DLG2: variants seen among roughly 807,000 people sequenced by gnomAD.
DLG2 encodes the protein discs large MAGUK scaffold protein 2.
Under a neutral mutation model 132.5 loss-of-function variants are expected in DLG2, and 45 were observed. That is an observed-to-expected ratio of 0.34 (90% CI 0.27 to 0.44). The LOEUF (loss-of-function observed/expected upper bound fraction) is 0.44, where lower values mean the gene tolerates loss of function less well. DLG2 is among the 20% of genes least tolerant of loss of function. The pLI is 1.00. For synonymous variants in DLG2, 424 were observed against 419.6 expected, an observed-to-expected ratio of 1.01 and a Z score of -0.13; for missense variants, 1,045 against 1,196.9, an observed-to-expected ratio of 0.87 and a Z score of 1.87.
At position 84,243,911 on chromosome 11, in the gene DLG2, C is replaced by A. The variant is rs112798369; in HGVS notation, c.573+7327G>T. On this transcript the variant is annotated intron_variant, in intron 8 of 27. Transcript: ENST00000376104. ...ATACTAGGATGAGTATTCATAACAA[C>A]CCCTGCAAGGCAGGTAGTATTATTC... is the stretch of plus-strand genomic sequence containing the variant. Among the ~76,000 whole-genome samples, 822 of 152,322 alleles carry A rather than the reference C, an allele frequency of 5.4e-3. 12 individuals carry two copies. The highest frequency in any genetic ancestry group is 0.018 in the African/African-American group (745 of 41,554).
At chr11:85,474,308 A>C (rs958676841) in intron 3 of DLG2, among the ~76,000 whole-genome samples, 4 of 152,038 alleles carry the variant, frequency 2.6e-5, no homozygotes, top group Non-Finnish European at 5.9e-5. Context: ...ATAAGCAAAA[A>C]ATTACAGACA....
At chr11:84,419,360 C>T (rs545584849) in intron 7 of DLG2, among the ~76,000 whole-genome samples, 39 of 152,150 alleles carry the variant, frequency 2.6e-4, no homozygotes, top group Admixed American at 5.9e-4. Flanking sequence ...AGAAATTACA[C>T]AAACTAATAT....
At chr11:83,668,023 G>A (rs1157282408) in intron 18 of DLG2, among the ~76,000 whole-genome samples, 1 of 137,680 alleles carries the variant, frequency 7.3e-6, no homozygotes, top group African/African-American at 2.7e-5. Flanking sequence ...GGGAAATGAC[G>A]GCCCCTGGCT....
chr11:85,308,854 A>T (rs1032815841), intron 3 of DLG2, among the ~76,000 whole-genome samples: 1 of 152,204 alleles, frequency 6.6e-6, no homozygotes, highest in South Asian at 2.1e-4. Context: ...TACATGACTT[A>T]TTTCATCATT....
chr11:84,112,686 T>G (rs1426737023), intron 9 of DLG2, among the ~76,000 whole-genome samples: 1 of 152,196 alleles, frequency 6.6e-6, no homozygotes, highest in Non-Finnish European at 1.5e-5. Flanking sequence ...AACATGCGAT[T>G]AACCAACTGT....
At chr11:85,417,435 G>C (rs2089960172) in intron 3 of DLG2, among the ~76,000 whole-genome samples, 1 of 152,260 alleles carries the variant, frequency 6.6e-6, no homozygotes, top group South Asian at 2.1e-4. Context: ...CCAGGCTTTG[G>C]TATCAGGATG....
chr11:84,703,881 T>TATATATATATAC (rs1039735623), intron 6 of DLG2, among the ~76,000 whole-genome samples: 16 of 122,716 alleles, frequency 1.3e-4, no homozygotes, highest in East Asian at 1.0e-3. Flanking sequence ...TATATATATA[T>TATATATATATAC]ATACACGTGT....
chr11:83,660,745 A>G (rs142772749), intron 18 of DLG2, among the ~76,000 whole-genome samples: 282 of 152,308 alleles, frequency 1.9e-3, no homozygotes, highest in African/African-American at 6.4e-3. Context: ...CTTGAGGTAC[A>G]TAAGGGGGTG....
At chr11:85,119,795 A>G (rs2074090570) in intron 5 of DLG2, among the ~76,000 whole-genome samples, 1 of 152,110 alleles carries the variant, frequency 6.6e-6, no homozygotes. Flanking sequence ...ACAAGATGAA[A>G]GTAATTCACT....
At chr11:84,042,349 G>A (rs1490148150) in intron 11 of DLG2, among the ~76,000 whole-genome samples, 1 of 151,550 alleles carries the variant, frequency 6.6e-6, no homozygotes, top group Non-Finnish European at 1.5e-5. Flanking sequence ...TAAATGGTAA[G>A]CCTGGATCTC....
chr11:84,286,852 G>C (rs2097914756), intron 7 of DLG2, among the ~76,000 whole-genome samples: 1 of 152,060 alleles, frequency 6.6e-6, no homozygotes, highest in African/African-American at 2.4e-5. Flanking sequence ...CAAAGGCTGG[G>C]GTTGACGCCT....
intron 2 of DLG2, among the ~76,000 whole-genome samples, chr11:85,610,957 C>T (rs1477795819): frequency 6.6e-6 from 1 of 152,210 alleles, no homozygotes; most frequent in African/African-American, 2.4e-5. Flanking sequence ...CCCCAGAGGG[C>T]AAATACTCAT....
chr11:85,233,780 G>A (rs2075431393), intron 4 of DLG2, among the ~76,000 whole-genome samples: 2 of 150,588 alleles, frequency 1.3e-5, no homozygotes, highest in Admixed American at 1.3e-4. Flanking sequence ...TTCTGGTGGT[G>A]GTGGCTGTTG....
intron 15 of DLG2, among the ~76,000 whole-genome samples, chr11:83,908,480 A>C (rs762657138): frequency 7.2e-5 from 11 of 152,162 alleles, no homozygotes; most frequent in Non-Finnish European, 1.3e-4. Flanking sequence ...GCATGCACAC[A>C]CACGAGCATA....
chr11:83,869,348 G>A (rs892726718), intron 16 of DLG2, among the ~76,000 whole-genome samples: 1 of 152,128 alleles, frequency 6.6e-6, no homozygotes, highest in African/African-American at 2.4e-5. Flanking sequence ...GTAAAGGAGA[G>A]AACAAGAGAG....
intron 7 of DLG2, among the ~76,000 whole-genome samples, chr11:84,532,284 T>G (rs1486041485): frequency 6.6e-6 from 1 of 152,096 alleles, no homozygotes; most frequent in African/African-American, 2.4e-5. Context: ...AGACAAAAGA[T>G]GCACTTATTT....
chr11:83,549,288 T>C (rs1051587498), intron 19 of DLG2, among the ~76,000 whole-genome samples: 3 of 152,134 alleles, frequency 2.0e-5, no homozygotes, highest in Non-Finnish European at 4.4e-5. Context: ...GCAAGAAGCA[T>C]AGATGTTGGA....
At chr11:84,761,099 C>G (rs2067568039) in intron 6 of DLG2, among the ~76,000 whole-genome samples, 1 of 152,196 alleles carries the variant, frequency 6.6e-6, no homozygotes, top group Non-Finnish European at 1.5e-5. Context: ...GATTAACATA[C>G]AAGGTGTCTG....
At chr11:85,443,611 A>G (rs1193933545) in intron 3 of DLG2, among the ~76,000 whole-genome samples, 1 of 152,242 alleles carries the variant, frequency 6.6e-6, no homozygotes, top group Non-Finnish European at 1.5e-5. Context: ...TCATGTGTGA[A>G]ATAAAAAATT....
Sources: allele counts gnomAD v4.1 joint callset (sites outside exome capture counted in the v4.1 genomes callset), GRCh38; gene constraint gnomAD v4.1.1; transcripts MANE v1.5; gene names NCBI Gene and HGNC (gene_info 2026-07-23, HGNC 2026-07-21).